Variants in ZFHX3 observed in about 807,000 individuals in gnomAD.
The protein encoded by ZFHX3 is zinc finger homeobox 3, also known as zinc finger homeobox protein 3.
In ZFHX3, 42 loss-of-function variants were observed where a neutral mutation model predicts 279.1. The observed-to-expected ratio is 0.15, with a 90% CI of 0.12 to 0.19. The LOEUF (loss-of-function observed/expected upper bound fraction) is 0.19. ZFHX3 is among the 10% of genes least tolerant of loss of function. The pLI, the probability that ZFHX3 is intolerant of heterozygous loss-of-function variation, is 1.00. For synonymous variants in ZFHX3, 2,293 were observed against 1,957.8 expected, an observed-to-expected ratio of 1.17 and a Z score of -4.52; for missense variants, 4,981 against 4,754.0, an observed-to-expected ratio of 1.05 and a Z score of -1.40.
chr16:73,304,697 C>A (rs1405884257), intron 4 of ZFHX3, among the ~76,000 whole-genome samples: 1 of 152,150 alleles, frequency 6.6e-6, no homozygotes, highest in Non-Finnish European at 1.5e-5. Context: ...TCAAGCCCTC[C>A]TTTGAACCAA....
intron 3 of ZFHX3, among the ~76,000 whole-genome samples, chr16:73,444,802 C>T (rs1279245507): frequency 1.3e-5 from 2 of 152,074 alleles, no homozygotes; most frequent in Non-Finnish European, 2.9e-5. Context: ...TATGTGCCAC[C>T]TGACCTGTGC....
intron 7 of ZFHX3, among the ~76,000 whole-genome samples, chr16:73,105,386 C>CACACACATATATATAT (rs1567389799): frequency 8.4e-6 from 1 of 118,700 alleles, no homozygotes; most frequent in African/African-American, 4.7e-5. Flanking sequence ...TATATATACA[C>CACACACATATATATAT]ACACACACAT....
chr16:73,638,359 G>A (rs768369378), intron 2 of ZFHX3, among the ~76,000 whole-genome samples: 3 of 152,150 alleles, frequency 2.0e-5, no homozygotes, highest in Admixed American at 6.6e-5. Flanking sequence ...CAAGGAGCAC[G>A]AATGGAATCA....
At chr16:72,894,591 C>A (rs1444684894) in intron 3 of ZFHX3, among the ~76,000 whole-genome samples, 1 of 152,190 alleles carries the variant, frequency 6.6e-6, no homozygotes, top group Non-Finnish European at 1.5e-5. Flanking sequence ...ACATGCCTTC[C>A]CCGCAGAAGG....
chr16:73,223,186 A>G (rs2012479701), intron 5 of ZFHX3, among the ~76,000 whole-genome samples: 1 of 152,168 alleles, frequency 6.6e-6, no homozygotes, highest in South Asian at 2.1e-4. Flanking sequence ...TATAACCCCA[A>G]AAGCATGGTC....
chr16:73,854,174 G>C (rs1476334540), intron 1 of ZFHX3, among the ~76,000 whole-genome samples: 1 of 152,166 alleles, frequency 6.6e-6, no homozygotes, highest in African/African-American at 2.4e-5. Flanking sequence ...TTATAAACTT[G>C]TTGGAATGTT....
chr16:73,165,641 G>A (rs1967346206), intron 5 of ZFHX3, among the ~76,000 whole-genome samples: 1 of 152,194 alleles, frequency 6.6e-6, no homozygotes, highest in Non-Finnish European at 1.5e-5. Context: ...TCAGAAAATG[G>A]CAAATCGCTG....
intron 2 of ZFHX3, among the ~76,000 whole-genome samples, chr16:73,614,272 C>T (rs927381380): frequency 6.6e-6 from 1 of 152,190 alleles, no homozygotes; most frequent in African/African-American, 2.4e-5. Context: ...GACTGGTCAT[C>T]CAGCCATTTA....
intron 1 of ZFHX3, among the ~76,000 whole-genome samples, chr16:73,840,232 A>T (rs1278283979): frequency 5.3e-5 from 8 of 152,164 alleles, no homozygotes; most frequent in Non-Finnish European, 2.9e-5. Flanking sequence ...GAGAAAGGAA[A>T]ACAGCCAAGA....
intron 7 of ZFHX3, chr16:73,123,294 C>T (rs1179406935): frequency 6.8e-6 from 1 of 147,944 alleles, no homozygotes; most frequent in African/African-American, 2.5e-5. Flanking sequence ...CTGGGTTATA[C>T]TACTCACGGG....
At chr16:73,214,271 T>C (rs1329160731) in intron 5 of ZFHX3, among the ~76,000 whole-genome samples, 3 of 152,186 alleles carry the variant, frequency 2.0e-5, no homozygotes, top group African/African-American at 7.2e-5. Flanking sequence ...AGGCTCCCAC[T>C]GGGGCTACCA....
chr16:73,429,704 T>C (rs1367069099), intron 3 of ZFHX3, among the ~76,000 whole-genome samples: 1 of 152,102 alleles, frequency 6.6e-6, no homozygotes, highest in Non-Finnish European at 1.5e-5. Context: ...TGAGAACTAA[T>C]TAAAATTTGA....
chr16:73,675,561 C>A (rs901140676), intron 2 of ZFHX3, among the ~76,000 whole-genome samples: 1 of 151,902 alleles, frequency 6.6e-6, no homozygotes, highest in Non-Finnish European at 1.5e-5. Context: ...AGTTTCACTG[C>A]CTTTATAGAA....
intron 2 of ZFHX3, among the ~76,000 whole-genome samples, chr16:73,673,770 C>T (rs2052926867): frequency 6.6e-6 from 1 of 152,234 alleles, no homozygotes; most frequent in African/African-American, 2.4e-5. Flanking sequence ...CAGGCTGGAA[C>T]CTGAGTTTGT....
At chr16:73,050,821 G>A (rs558433737), upstream of ZFHX3, among the ~76,000 whole-genome samples, 7 of 152,186 alleles carry the variant, frequency 4.6e-5, no homozygotes, top group South Asian at 4.1e-4. Flanking sequence ...ACCCAGTCTC[G>A]TCTCATCTGG....
chr16:73,574,270 TG>T (rs1381045212), intron 2 of ZFHX3, among the ~76,000 whole-genome samples: 3 of 152,258 alleles, frequency 2.0e-5, no homozygotes, highest in African/African-American at 7.2e-5. Flanking sequence ...AAAGAAATGA[TG>T]CAAAATTTCA....
intron 3 of ZFHX3, among the ~76,000 whole-genome samples, chr16:73,328,682 T>G (rs2015741284): frequency 6.6e-6 from 1 of 152,108 alleles, no homozygotes; most frequent in East Asian, 1.9e-4. Context: ...GCAAACCAAA[T>G]ACGATGTGTG....
Position 73,252,347 on chromosome 16 carries a change from G to T in ZFHX3, c.-1104+4700C>A, listed in dbSNP as rs957931830. Among the ~76,000 whole-genome samples the T allele has an allele frequency of 2.0e-5, 3 of 152,328 alleles. No individual in the cohort carries two copies. The East Asian group carries it at 5.8e-4, about 29-fold the overall frequency. ...GGCAGGCATTGACGGCTGGAGCTGG[G>T]GTAGTGGCATGGGGACGGAGAAGCT... On this transcript the variant is annotated intron_variant, in intron 5 of 17. Coordinates refer to the ZFHX3 transcript ENST00000641206.
At chr16:73,486,721 G>C in intron 2 of ZFHX3, 1 of 446,648 alleles carries the variant, frequency 2.2e-6, no homozygotes, top group Non-Finnish European at 4.5e-6. Flanking sequence ...GCTAAATCTA[G>C]GGTCTCTCTT....
Sources: gnomAD v4.1 joint callset for allele counts (sites outside exome capture counted in the v4.1 genomes callset) on GRCh38, gnomAD v4.1.1 for gene constraint, MANE v1.5 for transcripts, NCBI Gene and HGNC (gene_info 2026-07-23, HGNC 2026-07-21) for gene names.